The following INPP4B variants were observed in gnomAD, a reference collection of about 807,000 sequenced individuals.
INPP4B encodes the protein inositol polyphosphate 4-phosphatase type II.
INPP4B carries 55 observed loss-of-function variants against 122.5 expected under a neutral mutation model. The ratio of observed to expected loss-of-function variants is 0.45; its 90% CI spans 0.36 to 0.56. The LOEUF (loss-of-function observed/expected upper bound fraction) is 0.56. INPP4B is among the 20% of genes least tolerant of loss of function. The probability of loss-of-function intolerance (pLI) is 0.00; values close to 1 mark genes in which losing one functional copy is unlikely to be tolerated. For synonymous variants in INPP4B, 403 were observed against 388.7 expected, an observed-to-expected ratio of 1.04 and a Z score of -0.43; for missense variants, 1,000 against 1,097.7, an observed-to-expected ratio of 0.91 and a Z score of 1.26.
At chr4:142,317,211 C>A in intron 7 of INPP4B, 1 of 251,838 alleles carries the variant, frequency 4.0e-6, no homozygotes, top group Non-Finnish European at 8.2e-6. Context: ...AGTAAGAGTT[C>A]AGGGGGAAGG....
chr4:142,821,899 T>C (rs988137774), intron 1 of INPP4B, among the ~76,000 whole-genome samples: 1 of 152,138 alleles, frequency 6.6e-6, no homozygotes, highest in African/African-American at 2.4e-5. Flanking sequence ...TATTATCTAA[T>C]GATCGGCTAA....
chr4:142,557,385 T>C (rs10013894), intron 2 of INPP4B, among the ~76,000 whole-genome samples: 4,669 of 152,216 alleles, frequency 0.031, 236 homozygotes, highest in African/African-American at 0.11. Flanking sequence ...AAGAATTACT[T>C]CAAAGACCTG....
chr4:142,187,246 T>C (rs1217798065), intron 15 of INPP4B, among the ~76,000 whole-genome samples: 1 of 152,046 alleles, frequency 6.6e-6, no homozygotes, highest in African/African-American at 2.4e-5. Context: ...ATTTCTAGAG[T>C]GCCCATGTAA....
At chr4:142,149,179 C>G (rs1299190868) in intron 17 of INPP4B, among the ~76,000 whole-genome samples, 1 of 152,144 alleles carries the variant, frequency 6.6e-6, no homozygotes, top group African/African-American at 2.4e-5. Context: ...TATTTGAGAA[C>G]TGTGTTCTTG....
At chr4:142,626,460 T>A (rs1746427099) in intron 2 of INPP4B, among the ~76,000 whole-genome samples, 1 of 151,900 alleles carries the variant, frequency 6.6e-6, no homozygotes, top group Admixed American at 6.6e-5. Context: ...GAGGCTGAGA[T>A]CAACCCCCAG....
intron 2 of INPP4B, among the ~76,000 whole-genome samples, chr4:142,625,851 T>C (rs1179202271): frequency 6.6e-6 from 1 of 152,158 alleles, no homozygotes; most frequent in African/African-American, 2.4e-5. Flanking sequence ...TATCTGATCT[T>C]TGACAAACCT....
At chr4:142,460,146 G>A (rs1816400939) in intron 3 of INPP4B, among the ~76,000 whole-genome samples, 1 of 152,090 alleles carries the variant, frequency 6.6e-6, no homozygotes, top group African/African-American at 2.4e-5. Flanking sequence ...ACAAGACAGT[G>A]ACAATGTTGA....
At chr4:142,618,348 A>G (rs1006858158) in intron 2 of INPP4B, among the ~76,000 whole-genome samples, 4 of 152,150 alleles carry the variant, frequency 2.6e-5, no homozygotes, top group Non-Finnish European at 5.9e-5. Flanking sequence ...AAGCTATTCT[A>G]ATTAAAACAG....
In INPP4B at chr4:142,758,387, A is replaced by G. The variant is rs1770805773; in HGVS notation, c.-253-32486T>C. Among the ~76,000 whole-genome samples the G allele has an allele frequency of 1.3e-5, 2 of 152,164 alleles. 1 individual carries two copies. Among genetic ancestry groups the G allele is most frequent in the Admixed American group, 1.3e-4 (2 of 15,274 alleles). On this transcript the variant is annotated intron_variant, in intron 1 of 25. Transcript: ENST00000262992. ...TTACCAGGCAAAAGAATCTCAGATC[A>G]ATAGATAGAAAATTTTTCAAGCCAT...
intron 17 of INPP4B, among the ~76,000 whole-genome samples, chr4:142,153,729 A>G (rs1815648639): frequency 6.6e-6 from 1 of 152,210 alleles, no homozygotes; most frequent in Non-Finnish European, 1.5e-5. Context: ...ACTTATTCCT[A>G]CATTAACTCT....
intron 2 of INPP4B, among the ~76,000 whole-genome samples, chr4:142,617,486 A>T (rs1560871543): frequency 6.6e-6 from 1 of 152,146 alleles, no homozygotes; most frequent in East Asian, 1.9e-4. Flanking sequence ...AGACCAGGAC[A>T]GCACCAGAGG....
chr4:142,393,221 C>A (rs1036077765), intron 7 of INPP4B, among the ~76,000 whole-genome samples: 2 of 151,850 alleles, frequency 1.3e-5, no homozygotes, highest in African/African-American at 2.4e-5. Flanking sequence ...TAAGTGAAAA[C>A]CTGACCAAAA....
chr4:142,112,664 C>T lies in INPP4B; in HGVS notation c.2154G>A (p.Glu718=), dbSNP rs1790806674. The change falls in exon 22 of 26, where the codon GAG becomes GAA. Residue 718 remains glutamate, a synonymous_variant. Coordinates refer to ENST00000262992, the MANE Select transcript of INPP4B (RefSeq NM_001101669.3). ...CAAACATTCTGGCTGGAAGCTTGAC[C>T]TCTACCACGTAATGTTCTCTAAAGA... ...ITGRREHYVV[E]VKLPARMFES... is the part of the protein sequence containing the mutation. The T allele has an allele frequency of 1.2e-6, 2 of 1,612,532 alleles. No homozygotes were observed. The highest frequency in any genetic ancestry group is 2.7e-5 in the African/African-American group (2 of 74,948).
intron 2 of INPP4B, among the ~76,000 whole-genome samples, chr4:142,536,407 A>G (rs557868293): frequency 6.6e-6 from 1 of 152,330 alleles, no homozygotes; most frequent in Admixed American, 6.5e-5. Context: ...CTAAGCAGGG[A>G]AAAGATAAAT....
chr4:142,625,218 T>C (rs1212252553), intron 2 of INPP4B, among the ~76,000 whole-genome samples: 2 of 151,988 alleles, frequency 1.3e-5, no homozygotes, highest in African/African-American at 4.8e-5. Context: ...GACATGATTG[T>C]ATATCTAGAA....
intron 1 of INPP4B, among the ~76,000 whole-genome samples, chr4:142,810,721 T>C (rs1779403579): frequency 6.6e-6 from 1 of 152,226 alleles, no homozygotes; most frequent in Admixed American, 6.5e-5. Flanking sequence ...ATGCTCATAC[T>C]GTAGGTATGG....
At position 142,597,361 on chromosome 4, in the gene INPP4B, G is replaced by A. The variant is rs188297208; in HGVS notation, c.-191+128478C>T. ...TCAACGGTGACACCAGTTACTGGGG[G>A]TAGGGATTAGGTGTTCTTAAACATT... is the stretch of plus-strand genomic sequence containing the variant. On this transcript the variant is annotated intron_variant, in intron 2 of 25. Coordinates refer to ENST00000262992, the MANE Select transcript of INPP4B (RefSeq NM_001101669.3). 3.7e-4 allele frequency among the ~76,000 whole-genome samples: 56 copies of A among 152,336 alleles called. No individual in the cohort carries two copies. The East Asian group carries it at 0.01, about 28-fold the overall frequency.
chr4:142,497,277 G>A (rs75792412), intron 2 of INPP4B, among the ~76,000 whole-genome samples: 2,203 of 152,164 alleles, frequency 0.014, 22 homozygotes, highest in Middle Eastern at 0.034. Context: ...CTAGCCTCAC[G>A]AAAATTATTA....
rs527482441 is a variant in INPP4B, at chr4:142,093,994, T to C, written c.2375-7738A>G. Among the ~76,000 whole-genome samples the C allele has an allele frequency of 2.0e-5, 3 of 152,318 alleles. No individual in the cohort carries two copies. The East Asian group carries it at 5.8e-4, about 29-fold the overall frequency. ...AATCAACATTATACATTGGAGACCA[T>C]GGAATATGGTGTTCAGGGAGAAGAA... On this transcript the variant is annotated intron_variant, in intron 23 of 25. Transcript: ENST00000262992.
Sources: gnomAD v4.1 joint callset for allele counts (sites outside exome capture counted in the v4.1 genomes callset) on GRCh38, gnomAD v4.1.1 for gene constraint, MANE v1.5 for transcripts, NCBI Gene and HGNC (gene_info 2026-07-23, HGNC 2026-07-21) for gene names.